The following TMC1 variants were observed in gnomAD, a reference collection of about 807,000 sequenced individuals.
TMC1 encodes transmembrane channel-like protein 1.
In TMC1, 84 loss-of-function variants were observed where a neutral mutation model predicts 105.8. That is an observed-to-expected ratio of 0.79 (90% CI 0.67 to 0.95). TMC1 has a LOEUF of 0.95. TMC1 is among the 40% of genes least tolerant of loss of function. The pLI, the probability that TMC1 is intolerant of heterozygous loss-of-function variation, is 0.00. For missense variants in TMC1, 817 were observed against 914.1 expected (o/e 0.89, Z 1.37); for synonymous variants, 315 against 311.5 (o/e 1.01, Z -0.12).
chr9:72,685,187 A>G (rs554725957), intron 5 of TMC1, among the ~76,000 whole-genome samples: 1 of 143,916 alleles, frequency 6.9e-6, no homozygotes, highest in South Asian at 2.2e-4. Flanking sequence ...GCTCACTGCA[A>G]GCTCCGCCTC....
chr9:72,592,964 A>G (rs1824662010), intron 2 of TMC1, among the ~76,000 whole-genome samples: 1 of 152,212 alleles, frequency 6.6e-6, no homozygotes, highest in Non-Finnish European at 1.5e-5. Context: ...TACAACAACT[A>G]TTATCTTGAC....
At chr9:72,597,264 G>A (rs1286100974) in intron 2 of TMC1, among the ~76,000 whole-genome samples, 2 of 152,242 alleles carry the variant, frequency 1.3e-5, no homozygotes, top group Admixed American at 6.5e-5. Flanking sequence ...TGATGCAGGT[G>A]CTGTTCACAT....
chr9:72,560,560 G>A (rs771275876), intron 1 of TMC1, among the ~76,000 whole-genome samples: 2 of 151,884 alleles, frequency 1.3e-5, no homozygotes, highest in African/African-American at 4.8e-5. Flanking sequence ...GTGCAATGAC[G>A]CGATCTCAGC....
At chr9:72,591,335 C>A (rs1363806572) in intron 2 of TMC1, among the ~76,000 whole-genome samples, 3 of 152,132 alleles carry the variant, frequency 2.0e-5, no homozygotes, top group East Asian at 3.9e-4. Flanking sequence ...AATATCAAAG[C>A]CTTGGTGTCA....
intron 8 of TMC1, among the ~76,000 whole-genome samples, chr9:72,716,529 A>C (rs1355309714): frequency 6.6e-6 from 1 of 152,118 alleles, no homozygotes; most frequent in Non-Finnish European, 1.5e-5. Context: ...AGCTTCGTCC[A>C]GTTTGAACTT....
intron 1 of TMC1, among the ~76,000 whole-genome samples, chr9:72,538,562 A>G (rs530558656): frequency 1.3e-5 from 2 of 152,038 alleles, no homozygotes; most frequent in Admixed American, 6.6e-5. Context: ...TCAGCCTCCT[A>G]TGTAGCTGGG....
chr9:72,661,371 T>C (rs1204095951), intron 5 of TMC1, among the ~76,000 whole-genome samples: 1 of 152,236 alleles, frequency 6.6e-6, no homozygotes, highest in African/African-American at 2.4e-5. Context: ...TAAACTTAGT[T>C]TTACTTTAAG....
At chr9:72,666,753 T>C (rs1006641618) in intron 5 of TMC1, among the ~76,000 whole-genome samples, 7 of 152,002 alleles carry the variant, frequency 4.6e-5, no homozygotes, top group African/African-American at 7.2e-5. Flanking sequence ...AATAAGTAGA[T>C]AACATAATGT....
chr9:72,760,334 C>T (rs2118085327), intron 12 of TMC1, among the ~76,000 whole-genome samples: 1 of 152,196 alleles, frequency 6.6e-6, no homozygotes, highest in Non-Finnish European at 1.5e-5. Flanking sequence ...GTATACAACC[C>T]AGTATTCCAT....
chr9:72,714,593 C>CT (rs34293868), intron 8 of TMC1, among the ~76,000 whole-genome samples: 8 of 151,696 alleles, frequency 5.3e-5, no homozygotes, highest in African/African-American at 1.7e-4. Context: ...GGAACCTCTG[C>CT]TTTTTTTTGC....
intron 7 of TMC1, among the ~76,000 whole-genome samples, chr9:72,699,753 T>C (rs911439538): frequency 2.6e-5 from 4 of 151,592 alleles, no homozygotes; most frequent in Admixed American, 6.6e-5. Flanking sequence ...GGTCAGAAGT[T>C]CAAGACCAGC....
intron 2 of TMC1, among the ~76,000 whole-genome samples, chr9:72,580,240 A>T (rs908552110): frequency 2.6e-5 from 4 of 152,196 alleles, no homozygotes; most frequent in South Asian, 2.1e-4. Flanking sequence ...AGCATGGGGA[A>T]CTATATCTTT....
intron 2 of TMC1, among the ~76,000 whole-genome samples, chr9:72,607,054 C>T (rs899464672): frequency 1.3e-5 from 2 of 149,374 alleles, no homozygotes; most frequent in Admixed American, 6.7e-5. Flanking sequence ...GGGCCTGGCA[C>T]AGAGAATATG....
chr9:72,836,219 AC>A lies in TMC1; in HGVS notation c.*247del. 1 of 521,604 alleles carries A rather than the reference AC, an allele frequency of 1.9e-6. No homozygotes were observed. Among genetic ancestry groups the A allele is most frequent in the Non-Finnish European group, 3.4e-6 (1 of 294,634 alleles). The allele number at this position is 521,604 out of a possible 1,614,324, so 32.3% of individuals were successfully genotyped here. On this transcript the variant is annotated 3_prime_UTR_variant, in exon 24 of 24. Coordinates refer to ENST00000297784, the MANE Select transcript of TMC1 (RefSeq NM_138691.3). ...ACTCTCTCCCCTGCTCCATTTCGTG[AC>A]TTTTTTTTTTTTTTTAACAAATTGA... is the stretch of plus-strand genomic sequence containing the variant.
chr9:72,541,293 G>T (rs1325781073), intron 1 of TMC1, among the ~76,000 whole-genome samples: 1 of 152,112 alleles, frequency 6.6e-6, no homozygotes, highest in Non-Finnish European at 1.5e-5. Flanking sequence ...AGACTTGTTG[G>T]TGCCAAGAAT....
intron 5 of TMC1, among the ~76,000 whole-genome samples, chr9:72,677,030 T>C (rs1432201893): frequency 6.6e-6 from 1 of 152,084 alleles, no homozygotes; most frequent in African/African-American, 2.4e-5. Flanking sequence ...TAAATAATTA[T>C]ATCAGGTGTC....
chr9:72,823,604 A>T (rs1285612411), intron 20 of TMC1, among the ~76,000 whole-genome samples: 1 of 152,202 alleles, frequency 6.6e-6, no homozygotes, highest in East Asian at 1.9e-4. Flanking sequence ...TAAATTTTCC[A>T]AGAAATTATT....
intron 18 of TMC1, among the ~76,000 whole-genome samples, chr9:72,813,878 C>G (rs1207929886): frequency 6.6e-6 from 1 of 152,164 alleles, no homozygotes; most frequent in African/African-American, 2.4e-5. Context: ...TACAAATCCA[C>G]TTGGTCCAGT....
intron 1 of TMC1, among the ~76,000 whole-genome samples, chr9:72,561,808 G>A (rs1241592120): frequency 6.6e-6 from 1 of 152,132 alleles, no homozygotes; most frequent in East Asian, 1.9e-4. Flanking sequence ...TTTGAATACT[G>A]AAAATTTGGG....
Sources: gnomAD v4.1 joint callset for allele counts (sites outside exome capture counted in the v4.1 genomes callset) on GRCh38, gnomAD v4.1.1 for gene constraint, MANE v1.5 for transcripts, NCBI Gene and HGNC (gene_info 2026-07-23, HGNC 2026-07-21) for gene names.